The following B3GALT5 variants were observed in gnomAD, a reference collection of about 807,000 sequenced individuals.
B3GALT5 encodes UDP-Gal:betaGlcNAc beta 1,3-galactosyltransferase, polypeptide 5.
For synonymous variants in B3GALT5, 156 were observed against 158.6 expected (o/e 0.98, Z 0.12); for missense variants, 328 against 396.6 (o/e 0.83, Z 1.47).
chr21:39,636,024 A>G (rs577994720), intron 1 of B3GALT5, among the ~76,000 whole-genome samples: 15 of 152,274 alleles, frequency 9.9e-5, no homozygotes, highest in Admixed American at 3.9e-4. Flanking sequence ...TATGTTGTGG[A>G]ACTGACAAGT....
At chr21:39,648,316 A>T (rs1047102179) in intron 2 of B3GALT5, among the ~76,000 whole-genome samples, 2 of 151,752 alleles carry the variant, frequency 1.3e-5, no homozygotes, top group African/African-American at 4.8e-5. Flanking sequence ...TAAAAAAAAA[A>T]TAGAGCTTCA....
At chr21:39,633,024 C>T (rs1254656966) in intron 1 of B3GALT5, among the ~76,000 whole-genome samples, 1 of 152,156 alleles carries the variant, frequency 6.6e-6, no homozygotes, top group Non-Finnish European at 1.5e-5. Context: ...TCATCATTCT[C>T]ATGCTAATTT....
Position 39,665,788 on chromosome 21 carries a change from T to A in B3GALT5, c.*4296T>A, listed in dbSNP as rs899624312. 1 of 152,276 alleles carries A rather than the reference T, an allele frequency of 6.6e-6. No homozygotes were observed. The highest frequency in any genetic ancestry group is 1.5e-5 in the Non-Finnish European group (1 of 68,066). 9.4% of individuals were successfully genotyped at this position (152,276 alleles called of 1,614,324 possible). On this transcript the variant is annotated 3_prime_UTR_variant, in exon 4 of 4. Transcript: ENST00000684187. The stretch of plus-strand genomic sequence containing the variant: ...CCCATGCCCCGTACCTTATATTGTT[T>A]TCCTTGCACTTACCAATTTCTAACA...
chr21:39,671,263 T>G lies in B3GALT5; in HGVS notation c.*9771T>G, dbSNP rs9975884. The G allele has an allele frequency of 0.63, 95,206 of 152,094 alleles. 31,313 individuals are homozygous for G. Among genetic ancestry groups the G allele is most frequent in the African/African-American group, 0.8 (33,330 of 41,516 alleles). 9.4% of individuals were successfully genotyped at this position (152,094 alleles called of 1,614,324 possible). On this transcript the variant is annotated 3_prime_UTR_variant, in exon 4 of 4. Transcript: ENST00000684187. Reference sequence around the variant, plus strand: ...GGACACATTCAAACTGTAGCAGGAATTATTTGCTTTCTCATAACATTTTTT... The same window carrying G: ...GGACACATTCAAACTGTAGCAGGAAGTATTTGCTTTCTCATAACATTTTTT...
chr21:39,633,370 CT>C (rs1378726395), intron 1 of B3GALT5, among the ~76,000 whole-genome samples: 2 of 152,124 alleles, frequency 1.3e-5, no homozygotes, highest in Non-Finnish European at 2.9e-5. Context: ...TGGTTCTTTG[CT>C]TATATGACAC....
chr21:39,623,224 TCCCTCCCTCCCTC>T (rs1569206649), intron 1 of B3GALT5, among the ~76,000 whole-genome samples: 1,826 of 51,998 alleles, frequency 0.035, 50 homozygotes, highest in Middle Eastern at 0.06. Flanking sequence ...CCTCCCTCCC[TCCCTCCCTCCCTC>T]CCTCCCTTCC....
At chr21:39,660,298 C>T (rs2079498396) in intron 3 of B3GALT5, among the ~76,000 whole-genome samples, 1 of 152,204 alleles carries the variant, frequency 6.6e-6, no homozygotes. Flanking sequence ...CAATTGGAGA[C>T]TCCCGTAGGT....
chr21:39,663,371 A>C lies in B3GALT5; in HGVS notation c.*1879A>C, dbSNP rs2079547131. The C allele has an allele frequency of 6.6e-6, 1 of 152,268 alleles. No individual in the cohort carries two copies. The highest frequency in any genetic ancestry group is 6.5e-5 in the Admixed American group (1 of 15,280). 9.4% of individuals were successfully genotyped at this position (152,268 alleles called of 1,614,324 possible). A position where few individuals can be genotyped will look rare whatever the true frequency, so the allele number is the denominator to read the frequency against. On this transcript the variant is annotated 3_prime_UTR_variant, in exon 4 of 4. Coordinates refer to ENST00000684187, the MANE Select transcript of B3GALT5 (RefSeq NM_001356336.2). Reference sequence around the variant, plus strand: ...CAGCCCACAGCTCCAGGGACAAATGAGGACAGGCGTGGGCTCTCCCTACTG... The same window carrying C: ...CAGCCCACAGCTCCAGGGACAAATGCGGACAGGCGTGGGCTCTCCCTACTG...
rs1195555535 is a variant in B3GALT5 at position 39,673,021 on chromosome 21, T to G, written c.*11529T>G. 1 of 152,218 alleles carries G rather than the reference T, an allele frequency of 6.6e-6. No individual in the cohort carries two copies. The highest frequency in any genetic ancestry group is 1.5e-5 in the Non-Finnish European group (1 of 68,044). The allele number at this position is 152,218 out of a possible 1,614,324, so 9.4% of individuals were successfully genotyped here. A position where few individuals can be genotyped will look rare whatever the true frequency, so the allele number is the denominator to read the frequency against. On this transcript the variant is annotated 3_prime_UTR_variant, in exon 4 of 4. Coordinates refer to ENST00000684187, the MANE Select transcript of B3GALT5 (RefSeq NM_001356336.2). The surrounding 1 kb of genome is among the most constrained non-coding windows in gnomAD (Gnocchi z 5.2). Reference sequence around the variant, plus strand: ...CATTTAAGTTGAAGAAATCAAGTCTTGTGAATTGATACGATTGTACTTCTA... The same window carrying G: ...CATTTAAGTTGAAGAAATCAAGTCTGGTGAATTGATACGATTGTACTTCTA...
At chr21:39,631,643 A>G (rs1241295428) in intron 1 of B3GALT5, among the ~76,000 whole-genome samples, 2 of 152,230 alleles carry the variant, frequency 1.3e-5, no homozygotes, top group Admixed American at 6.5e-5. Flanking sequence ...TAGGAAGTAA[A>G]TGTTTATTGA....
chr21:39,642,977 G>A (rs1437940326), intron 1 of B3GALT5, among the ~76,000 whole-genome samples: 2 of 151,988 alleles, frequency 1.3e-5, no homozygotes, highest in Admixed American at 6.6e-5. Context: ...GCTTGAGCCC[G>A]AGAGGTCAAG....
chr21:39,633,744 A>G (rs949606656), intron 1 of B3GALT5, among the ~76,000 whole-genome samples: 8 of 152,228 alleles, frequency 5.3e-5, no homozygotes, highest in Admixed American at 3.9e-4. Context: ...ATTTAAGGTG[A>G]CAGCTATTAA....
chr21:39,630,912 C>G (rs541336501), intron 1 of B3GALT5, among the ~76,000 whole-genome samples: 1 of 151,998 alleles, frequency 6.6e-6, no homozygotes, highest in African/African-American at 2.4e-5. Flanking sequence ...AAATAAAAAT[C>G]GATTGGGGGA....
At chr21:39,639,330 CTTTCTTTCTTTCTTTCT>C (rs2079258010) in intron 1 of B3GALT5, among the ~76,000 whole-genome samples, 6 of 118,072 alleles carry the variant, frequency 5.1e-5, no homozygotes, top group African/African-American at 2.0e-4. Context: ...TTCTTTCTTT[CTTTCTTTCTTTCTTTCT>C]TTCCTTCCTT....
Position 39,669,125 on chromosome 21 carries a change from G to A in B3GALT5, c.*7633G>A, listed in dbSNP as rs1366097985. On this transcript the variant is annotated 3_prime_UTR_variant, in exon 4 of 4. Coordinates refer to ENST00000684187, the MANE Select transcript of B3GALT5 (RefSeq NM_001356336.2). ...TTTTTCTTCATTTGAATCTTTCCTG[G>A]AACTCTTGGAGAAGTTCTTCTGTTC... 6.6e-6 allele frequency: 1 copy of A among 152,126 alleles called. No homozygotes were observed. Among genetic ancestry groups the A allele is most frequent in the Admixed American group, 6.5e-5 (1 of 15,280 alleles). The allele number at this position is 152,126 out of a possible 1,614,324, so 9.4% of individuals were successfully genotyped here.
chr21:39,639,330 C>CT (rs2079257914), intron 1 of B3GALT5, among the ~76,000 whole-genome samples: 1 of 118,078 alleles, frequency 8.5e-6, no homozygotes, highest in Non-Finnish European at 1.8e-5. Context: ...TTCTTTCTTT[C>CT]TTTCTTTCTT....
chr21:39,633,399 T>C (rs560148355), intron 1 of B3GALT5, among the ~76,000 whole-genome samples: 26 of 152,312 alleles, frequency 1.7e-4, no homozygotes, highest in African/African-American at 4.6e-4. Context: ...TACAAGATGG[T>C]TAACAGAATA....
In B3GALT5 at chr21:39,673,090, T is replaced by G. The variant is rs976858504; in HGVS notation, c.*11598T>G. The G allele has an allele frequency of 1.3e-5, 2 of 152,258 alleles. No homozygotes were observed. The highest frequency in any genetic ancestry group is 2.9e-5 in the Non-Finnish European group (2 of 68,038). 9.4% of individuals were successfully genotyped at this position (152,258 alleles called of 1,614,324 possible). Reference sequence around the variant, plus strand: ...TGTCTTTGCGGTACAGATTGGCTCCTCGATCTTTCAAAGTGTCATTTAAAT... The same window carrying G: ...TGTCTTTGCGGTACAGATTGGCTCCGCGATCTTTCAAAGTGTCATTTAAAT... On this transcript the variant is annotated 3_prime_UTR_variant, in exon 4 of 4. Coordinates refer to ENST00000684187, the MANE Select transcript of B3GALT5 (RefSeq NM_001356336.2). The surrounding 1 kb of genome is among the most constrained non-coding windows in gnomAD (Gnocchi z 5.2).
Position 39,671,454 on chromosome 21 carries a change from T to C in B3GALT5, c.*9962T>C, listed in dbSNP as rs1269918115. The C allele has an allele frequency of 6.6e-6, 1 of 152,140 alleles. No individual in the cohort carries two copies. The highest frequency in any genetic ancestry group is 1.5e-5 in the Non-Finnish European group (1 of 68,036). 9.4% of individuals were successfully genotyped at this position (152,140 alleles called of 1,614,324 possible). A position where few individuals can be genotyped will look rare whatever the true frequency, so the allele number is the denominator to read the frequency against. ...AGAGTAGATACTTGATAATTATCTA[T>C]TGGGTTCTCAGGGGATCTCTCAAAG... On this transcript the variant is annotated 3_prime_UTR_variant, in exon 4 of 4. Coordinates refer to ENST00000684187, the MANE Select transcript of B3GALT5 (RefSeq NM_001356336.2).
Sources: gnomAD v4.1 joint callset for allele counts (sites outside exome capture counted in the v4.1 genomes callset) on GRCh38, gnomAD v4.1.1 for gene constraint, Gnocchi (gnomAD v3.1) non-coding constraint, MANE v1.5 for transcripts, NCBI Gene and HGNC (gene_info 2026-07-23, HGNC 2026-07-21) for gene names.